REXO1: variants seen among roughly 807,000 people sequenced by gnomAD.
The protein encoded by REXO1 is REX1, RNA exonuclease 1 homolog.
In REXO1, 42 loss-of-function variants were observed where a neutral mutation model predicts 102.6. The observed-to-expected ratio is 0.41, with a 90% CI of 0.32 to 0.53. The LOEUF (loss-of-function observed/expected upper bound fraction) is 0.53. REXO1 is among the 20% of genes least tolerant of loss of function. The pLI is 0.27. For missense variants in REXO1, 1,819 were observed against 1,732.5 expected, an observed-to-expected ratio of 1.05 and a Z score of -0.89; for synonymous variants, 908 against 779.1, an observed-to-expected ratio of 1.17 and a Z score of -2.76.
chr19:1,820,194 G>C (rs1386591221), intron 6 of REXO1, 70 bp downstream of exon 6: 5 of 1,564,962 alleles, frequency 3.2e-6, no homozygotes, highest in African/African-American at 2.7e-5. Context: ...AGAGGCCGGG[G>C]GATGTCTGGG....
Position 1,821,592 on chromosome 19 carries a change from G to A in REXO1, c.2321C>T (p.Thr774Ile), listed in dbSNP as rs572710159. 8.1e-6 allele frequency: 13 copies of A among 1,613,952 alleles called. No individual in the cohort carries two copies. The highest frequency in any genetic ancestry group is 1.7e-4 in the Middle Eastern group (1 of 6,060). Residue 774 changes from threonine (T) to isoleucine (I), a missense_variant, in exon 5 of 16, where the codon ACA becomes ATA. Transcript: ENST00000170168. The stretch of plus-strand genomic sequence containing the variant: ...AGTCTTGGACGCCATCCCCGACAAT[G>A]TGCGTGTTTTCAGCTGCTGGCCACC... The part of the protein sequence containing the change: ...EPGGQQLKTR[T>I]LSGMASKTTT...
At position 1,820,095 on chromosome 19, in the gene REXO1, C is replaced by G. The variant is rs751458300; in HGVS notation, c.2527-38G>C. 1.7e-5 allele frequency: 27 copies of G among 1,586,864 alleles called. No individual in the cohort carries two copies. In the South Asian group the frequency reaches 3.1e-4, roughly 18 times the overall value. On this transcript the variant is annotated intron_variant, in intron 6 of 15. Coordinates refer to ENST00000170168, the MANE Select transcript of REXO1 (RefSeq NM_020695.4). The stretch of plus-strand genomic sequence containing the variant: ...CGGTGCCCAGCTGAGGCCATGCCTG[C>G]CTGGTGCCGGGGAGCCCCAGCGGTG...
At position 1,828,321 on chromosome 19, in the gene REXO1, G is replaced by A. The variant is rs779197278; in HGVS notation, c.468C>T (p.His156=). The part of the protein sequence containing the change: ...PLAFDYSPGS[H]GLLSPDAGYQ... ...AGCCGGCATCAGGGCTTAATAGGCC[G>A]TGGCTGCCGGGGCTGTAGTCGAAGG... Residue 156 remains histidine, a synonymous_variant, in exon 2 of 16, where the codon CAC becomes CAT. Coordinates refer to ENST00000170168, the MANE Select transcript of REXO1 (RefSeq NM_020695.4). 1.2e-4 allele frequency: 197 copies of A among 1,609,638 alleles called. No homozygotes were observed. Among genetic ancestry groups the A allele is most frequent in the Non-Finnish European group, 1.4e-4 (170 of 1,178,350 alleles).
Position 1,827,329 on chromosome 19 carries a change from G to T in REXO1, c.1460C>A (p.Ala487Asp), listed in dbSNP as rs1322442640. 39 of 1,557,322 alleles carry T rather than the reference G, an allele frequency of 2.5e-5. No homozygotes were observed. Among genetic ancestry groups the T allele is most frequent in the Non-Finnish European group, 2.9e-5 (34 of 1,156,142 alleles). ...LQLPDRKSTK[A>D]PSGKLVERKA... ...CCGCTCCACTAGCTTCCCCGACGGG[G>T]CCTTGGTGCTCTTCCTGTCGGGCAG... The change falls in exon 2 of 16, where the codon GCC (alanine) becomes GAC (aspartate). Residue 487 changes from alanine (A) to aspartate (D), a missense_variant. Physicochemically the swap from Ala to Asp is moderately radical, Grantham distance 126. Coordinates refer to ENST00000170168, the MANE Select transcript of REXO1 (RefSeq NM_020695.4).
chr19:1,818,573 G>A lies in REXO1; in HGVS notation c.2925C>T (p.Arg975=), dbSNP rs1174104654. Residue 975 remains arginine (R), a synonymous_variant, in exon 10 of 16, where the codon CGC becomes CGT. Coordinates refer to ENST00000170168, the MANE Select transcript of REXO1 (RefSeq NM_020695.4). ...AGGACACGAGGTACTCGGTGCCACA[G>A]CGGCAGCAGGTCCTGCAGGAAGCTG... is the stretch of plus-strand genomic sequence containing the variant. ...PKDSSCRTCC[R]CGTEYLVSSS... 6.2e-6 allele frequency: 10 copies of A among 1,611,166 alleles called. No homozygotes were observed. The highest frequency in any genetic ancestry group is 3.3e-5 in the Admixed American group (2 of 59,850).
chr19:1,819,089 C>T lies in REXO1; in HGVS notation c.2693G>A (p.Gly898Glu), dbSNP rs564664724. 3.3e-5 allele frequency: 52 copies of T among 1,598,026 alleles called. 1 individual carries two copies. In the Middle Eastern group the frequency reaches 5.0e-4, roughly 15 times the overall value. ...GCTGGTCTTGGCGGCCAACCTGCCC[C>T]CCAACACCACCTCGTGGGACACAAC... ...RRVVSHEVVL[G>E]GRLAAKTSFS... The change falls in exon 8 of 16, where the codon GGG becomes GAG. Residue 898 changes from glycine (G) to glutamate (E), a missense_variant. Transcript: ENST00000170168.
rs553734324 is a variant in REXO1, at chr19:1,818,825, C to A, written c.2783G>T (p.Arg928Leu). ...CTGGGTGAGCAGGTACTCCCTGAGG[C>A]GGCTGTACAGGGCAGCCCCTGTGGA... ...EDLKGAALYSRLREYLLTQDQ... is the reference protein window; with the variant it reads ...EDLKGAALYSLLREYLLTQDQ... Residue 928 changes from arginine (R) to leucine (L), a missense_variant, in exon 9 of 16, where the codon CGC becomes CTC. Arg to Leu is a moderately radical substitution (Grantham distance 102). Coordinates refer to ENST00000170168, the MANE Select transcript of REXO1 (RefSeq NM_020695.4). The A allele has an allele frequency of 5.0e-6, 8 of 1,609,206 alleles. No individual in the cohort carries two copies. The South Asian group carries it at 8.8e-5, about 18-fold the overall frequency.
chr19:1,825,332 A>C (rs2069681864), intron 3 of REXO1, among the ~76,000 whole-genome samples: 1 of 151,100 alleles, frequency 6.6e-6, no homozygotes, highest in African/African-American at 2.4e-5. Flanking sequence ...ACAACCAAAA[A>C]ACAAACAAAC....
At chr19:1,830,889 A>G (rs141885664) in intron 1 of REXO1, 2 of 153,746 alleles carry the variant, frequency 1.3e-5, no homozygotes, top group African/African-American at 4.8e-5. Flanking sequence ...AACAATAAAT[A>G]ACGCAGGAGA....
chr19:1,830,418 A>G lies in REXO1; in HGVS notation c.158-1787T>C, dbSNP rs568145445. On this transcript the variant is annotated intron_variant, in intron 1 of 15. Transcript: ENST00000170168. Reference sequence around the variant, plus strand: ...TAGCTATGTGGGAGGCTAAAGTGGGAGAATCACTTGAGCCCAGGGGCTTGA... The same window carrying G: ...TAGCTATGTGGGAGGCTAAAGTGGGGGAATCACTTGAGCCCAGGGGCTTGA... 1.1e-3 allele frequency among the ~76,000 whole-genome samples: 164 copies of G among 152,346 alleles called. 2 individuals carry two copies. Among genetic ancestry groups the G allele is most frequent in the South Asian group, 8.5e-3 (41 of 4,828 alleles).
chr19:1,816,660 TG>T, intron 13 of REXO1, 37 bp downstream of exon 13: 1 of 1,601,792 alleles, frequency 6.2e-7, no homozygotes, highest in Non-Finnish European at 8.5e-7. Flanking sequence ...GAGAGGCGGC[TG>T]GGAGGGCTCC....
intron 1 of REXO1, among the ~76,000 whole-genome samples, chr19:1,840,914 C>A (rs571369287): frequency 1.3e-5 from 2 of 152,210 alleles, no homozygotes; most frequent in African/African-American, 4.8e-5. Flanking sequence ...CAGCTCGTCC[C>A]GAGTCCTCCC....
intron 11 of REXO1, 173 bp from the exon 12 acceptor site, chr19:1,817,502 GA>G (rs1333133342): frequency 6.8e-7 from 1 of 1,467,168 alleles, no homozygotes. Flanking sequence ...AAGACACAGG[GA>G]GGACGGCTTC....
rs2069754772 is a variant in REXO1, at chr19:1,827,150, T to G, written c.1639A>C (p.Ser547Arg). The G allele has an allele frequency of 6.5e-7, 1 of 1,542,010 alleles. No homozygotes were observed. Among genetic ancestry groups the G allele is most frequent in the South Asian group, 1.2e-5 (1 of 84,022 alleles). The change falls in exon 2 of 16, where the codon AGC becomes CGC. Residue 547 changes from serine to arginine, a missense_variant. By Grantham distance (110) the Ser-to-Arg change is moderately radical (BLOSUM62 -1). Coordinates refer to ENST00000170168, the MANE Select transcript of REXO1 (RefSeq NM_020695.4). ...SVWPSALPSL[S>R]SDSDSDSDSS... Reference sequence around the variant, plus strand: ...TCTGAGTCGGAGTCTGAGTCCGAGCTGAGGCTGGGGAGGGCAGAGGGCCAC... The same window carrying G: ...TCTGAGTCGGAGTCTGAGTCCGAGCGGAGGCTGGGGAGGGCAGAGGGCCAC...
chr19:1,832,690 G>A (rs1214674226), intron 1 of REXO1, among the ~76,000 whole-genome samples: 3 of 151,890 alleles, frequency 2.0e-5, no homozygotes, highest in Admixed American at 1.3e-4. Flanking sequence ...AGACCAAGGC[G>A]GGCAGATCAC....
Position 1,828,193 on chromosome 19 carries a change from AG to A in REXO1, c.595del (p.Leu199TrpfsTer8). On this transcript the variant is annotated frameshift_variant, in exon 2 of 16. Coordinates refer to ENST00000170168, the MANE Select transcript of REXO1 (RefSeq NM_020695.4). LOFTEE classifies it high-confidence loss of function. ...GCTCACAGCCTTGGGGACGTATTCCAGGGCACCGCCACCCCCTCCACCTCTG... is the reference window on the plus strand; with the variant it reads ...GCTCACAGCCTTGGGGACGTATTCCAGGCACCGCCACCCCCTCCACCTCTG... ...QGRGGGGGGA[L>X]EYVPKAVSQP... The A allele has an allele frequency of 6.2e-7, 1 of 1,606,208 alleles. No homozygotes were observed. Among genetic ancestry groups the A allele is most frequent in the South Asian group, 1.1e-5 (1 of 90,428 alleles).
chr19:1,816,046 G>A lies in REXO1; in HGVS notation c.*20C>T, dbSNP rs548857767. On this transcript the variant is annotated 3_prime_UTR_variant, in exon 16 of 16. Coordinates refer to ENST00000170168, the MANE Select transcript of REXO1 (RefSeq NM_020695.4). ...GGACCAGCGGGACGGCAGGAGAGGC[G>A]GGTGGGAGGCGGGCAGGCGTCATCG... is the stretch of plus-strand genomic sequence containing the variant. 37 of 1,540,654 alleles carry A rather than the reference G, an allele frequency of 2.4e-5. 1 individual carries two copies. The highest frequency in any genetic ancestry group is 1.8e-4 in the South Asian group (15 of 84,114).
chr19:1,817,900 T>A, intron 10 of REXO1, 120 bp from the exon 11 acceptor site: 1 of 749,006 alleles, frequency 1.3e-6, no homozygotes, highest in Non-Finnish European at 2.2e-6. Context: ...ACAGGAGGCC[T>A]CAGCCTCTTG....
rs1047896791 is a variant in REXO1 at position 1,815,505 on chromosome 19, T to G, written c.*561A>C. Reference sequence around the variant, plus strand: ...CCAGCCCCTGGAGCACAGAGGCGGGTCCAGCCCACACTGCGCTGAGTGTGG... The same window carrying G: ...CCAGCCCCTGGAGCACAGAGGCGGGGCCAGCCCACACTGCGCTGAGTGTGG... On this transcript the variant is annotated 3_prime_UTR_variant, in exon 16 of 16. Coordinates refer to ENST00000170168, the MANE Select transcript of REXO1 (RefSeq NM_020695.4). This position sits in a 1 kb window ranked among gnomAD's most constrained non-coding sequence, Gnocchi z 4.0. The G allele has an allele frequency of 1.9e-4, 45 of 232,444 alleles. 1 individual carries two copies. In the South Asian group the frequency reaches 4.1e-3, roughly 21 times the overall value. 14.4% of individuals were successfully genotyped at this position (232,444 alleles called of 1,614,324 possible).
Sources: allele counts gnomAD v4.1 joint callset (sites outside exome capture counted in the v4.1 genomes callset), GRCh38; gene constraint gnomAD v4.1.1; non-coding constraint Gnocchi (gnomAD v3.1); transcripts MANE v1.5; gene names NCBI Gene and HGNC (gene_info 2026-07-23, HGNC 2026-07-21).